Variants in MBTPS1 observed in about 807,000 individuals in gnomAD.
The protein encoded by MBTPS1 is membrane-bound transcription factor site-1 protease.
In MBTPS1, 94 loss-of-function variants were observed where a neutral mutation model predicts 127.8. That is an observed-to-expected ratio of 0.74 (90% CI 0.62 to 0.87). The LOEUF (loss-of-function observed/expected upper bound fraction) is 0.87, where lower values mean the gene tolerates loss of function less well. Among genes scored for constraint, MBTPS1 ranks in the 40% least tolerant of loss-of-function variants. MBTPS1 has a pLI of 0.00. For missense variants in MBTPS1, 1,636 were observed against 1,353.2 expected, an observed-to-expected ratio of 1.21 and a Z score of -3.28; for synonymous variants, 632 against 509.4, an observed-to-expected ratio of 1.24 and a Z score of -3.24.
At chr16:84,073,258 C>G (rs1350096127) in intron 12 of MBTPS1, among the ~76,000 whole-genome samples, 3 of 152,078 alleles carry the variant, frequency 2.0e-5, no homozygotes, top group Non-Finnish European at 4.4e-5. Flanking sequence ...TTCAGCCTCC[C>G]GAGTAGCTGG....
chr16:84,077,026 G>A (rs569884167), intron 11 of MBTPS1, among the ~76,000 whole-genome samples: 2 of 152,202 alleles, frequency 1.3e-5, no homozygotes, highest in African/African-American at 4.8e-5. Context: ...AGGAGTTGAA[G>A]ACCAGCCTGG....
chr16:84,066,386 A>G, intron 17 of MBTPS1, 103 bp downstream of exon 17: 1 of 1,244,580 alleles, frequency 8.0e-7, no homozygotes, highest in Middle Eastern at 1.9e-4. Flanking sequence ...GACTCCAGCT[A>G]ACTGAGGGAT....
intron 14 of MBTPS1, among the ~76,000 whole-genome samples, chr16:84,069,370 G>A (rs759823049): frequency 6.6e-6 from 1 of 152,180 alleles, no homozygotes; most frequent in Non-Finnish European, 1.5e-5. Flanking sequence ...GGCCGGGTGA[G>A]GAAGTCAGAA....
chr16:84,084,692 A>C lies in MBTPS1; in HGVS notation c.1286+291T>G, dbSNP rs142927662. Among the ~76,000 whole-genome samples, 504 of 152,318 alleles carry C rather than the reference A, an allele frequency of 3.3e-3. 2 individuals carry two copies. Among genetic ancestry groups the C allele is most frequent in the African/African-American group, 0.011 (464 of 41,568 alleles). ...ATAAAAATCACAGTTCTAGCACATAAATGGGATATTAGAAAACAGAACACA... is the reference window on the plus strand; with the variant it reads ...ATAAAAATCACAGTTCTAGCACATACATGGGATATTAGAAAACAGAACACA... On this transcript the variant is annotated intron_variant, in intron 10 of 22. Coordinates refer to ENST00000343411, the MANE Select transcript of MBTPS1 (RefSeq NM_003791.4).
intron 9 of MBTPS1, 27 bp from the exon 10 acceptor site, chr16:84,085,161 A>T: frequency 6.2e-7 from 1 of 1,611,296 alleles, no homozygotes; most frequent in Non-Finnish European, 8.5e-7. Flanking sequence ...CTTGGTTGCT[A>T]CATCTCGCAC....
chr16:84,059,500 C>A, intron 20 of MBTPS1, 72 bp from the exon 21 acceptor site: 1 of 1,430,042 alleles, frequency 7.0e-7, no homozygotes. Flanking sequence ...AAAAGGAGGG[C>A]CTTATTATGA....
At chr16:84,064,935 G>A (rs546107447) in intron 18 of MBTPS1, among the ~76,000 whole-genome samples, 9 of 152,062 alleles carry the variant, frequency 5.9e-5, no homozygotes, top group Admixed American at 1.3e-4. Context: ...TAACGTCCAC[G>A]TACAGAAAAT....
chr16:84,103,056 A>C (rs1471519341), intron 1 of MBTPS1, among the ~76,000 whole-genome samples: 1 of 152,150 alleles, frequency 6.6e-6, no homozygotes, highest in African/African-American at 2.4e-5. Context: ...ATATCTTCCA[A>C]AACATCTGAA....
chr16:84,093,742 G>A lies in MBTPS1; in HGVS notation c.705C>T (p.Thr235=), dbSNP rs540288000. 1.2e-6 allele frequency: 2 copies of A among 1,614,084 alleles called. No homozygotes were observed. Among genetic ancestry groups the A allele is most frequent in the Admixed American group, 1.7e-5 (1 of 60,028 alleles). ...HPHFKNVKER[T]NWTNERTLDD... ...CCAGCGTTCGCTCGTTGGTCCAGTT[G>A]GTTCTCTCCTTCACATTTTTGAAGT... The change falls in exon 5 of 23, where the codon ACC becomes ACT. Residue 235 remains threonine (T), a synonymous_variant. Transcript: ENST00000343411.
Position 84,054,416 on chromosome 16 carries a change from C to T in MBTPS1, c.*33G>A, listed in dbSNP as rs368610874. Reference sequence around the variant, plus strand: ...CCCACCAGCGCCGTCCGTGAAGGCTCTCTCTGGCCCTCACGGTCAGCCAGG... The same window carrying T: ...CCCACCAGCGCCGTCCGTGAAGGCTTTCTCTGGCCCTCACGGTCAGCCAGG... On this transcript the variant is annotated 3_prime_UTR_variant, in exon 23 of 23. Coordinates refer to ENST00000343411, the MANE Select transcript of MBTPS1 (RefSeq NM_003791.4). 1.9e-6 allele frequency: 3 copies of T among 1,546,964 alleles called. No homozygotes were observed. The highest frequency in any genetic ancestry group is 2.4e-5 in the South Asian group (2 of 81,860).
At chr16:84,101,568 A>G in intron 2 of MBTPS1, 53 bp downstream of exon 2, 1 of 1,457,926 alleles carries the variant, frequency 6.9e-7, no homozygotes, top group South Asian at 1.3e-5. Flanking sequence ...TATATTAAGT[A>G]AGCTTTAAAA....
chr16:84,104,363 T>C lies in MBTPS1; in HGVS notation c.-324-2256A>G, dbSNP rs188055344. Reference sequence around the variant, plus strand: ...GCTAGGCATGGTGGCGCGCCTATAGTCCCAGCTACTCAGGAAGATTGCTTT... The same window carrying C: ...GCTAGGCATGGTGGCGCGCCTATAGCCCCAGCTACTCAGGAAGATTGCTTT... On this transcript the variant is annotated intron_variant, in intron 1 of 22. Coordinates refer to ENST00000343411, the MANE Select transcript of MBTPS1 (RefSeq NM_003791.4). 3.8e-3 allele frequency among the ~76,000 whole-genome samples: 580 copies of C among 152,134 alleles called. 4 individuals carry two copies. Among genetic ancestry groups the C allele is most frequent in the African/African-American group, 0.013 (543 of 41,486 alleles).
intron 21 of MBTPS1, 142 bp downstream of exon 21, chr16:84,059,160 C>A: frequency 9.1e-7 from 1 of 1,095,864 alleles, no homozygotes; most frequent in East Asian, 2.5e-5. Flanking sequence ...ATACGAGGTT[C>A]ACTAAATAAC....
At chr16:84,084,165 A>G (rs895905321) in intron 10 of MBTPS1, among the ~76,000 whole-genome samples, 2 of 152,126 alleles carry the variant, frequency 1.3e-5, no homozygotes, top group Non-Finnish European at 2.9e-5. Flanking sequence ...CACCATGTTG[A>G]TCAGGCTGGT....
chr16:84,096,741 T>C (rs918447691), intron 3 of MBTPS1, among the ~76,000 whole-genome samples: 6 of 152,206 alleles, frequency 3.9e-5, no homozygotes, highest in African/African-American at 1.2e-4. Flanking sequence ...TTCTGGTAAG[T>C]AAATATTTGC....
At chr16:84,093,880 T>C in intron 4 of MBTPS1, 59 bp from the exon 5 acceptor site, 1 of 1,290,164 alleles carries the variant, frequency 7.8e-7, no homozygotes, top group Admixed American at 1.7e-5. Flanking sequence ...TTTTGGATTT[T>C]GCCTATAAAA....
At position 84,070,773 on chromosome 16, in the gene MBTPS1, C is replaced by A; in HGVS notation, c.1597G>T (p.Asp533Tyr). The change falls in exon 13 of 23, where the codon GAC becomes TAC. Residue 533 changes from aspartate (D) to tyrosine (Y), a missense_variant. By Grantham distance (160) the Asp-to-Tyr change is radical. Coordinates refer to ENST00000343411, the MANE Select transcript of MBTPS1 (RefSeq NM_003791.4). ...TTCTGTGGCAAATAGGGCTGCCAGT[C>A]AGGCTGCAGGAAAAAGAAATCAGAC... is the stretch of plus-strand genomic sequence containing the variant. ...GVTGRIVDKP[D>Y]WQPYLPQNGD... is the part of the protein sequence containing the mutation. 1 of 1,599,946 alleles carries A rather than the reference C, an allele frequency of 6.3e-7. No homozygotes were observed. Among genetic ancestry groups the A allele is most frequent in the Non-Finnish European group, 8.5e-7 (1 of 1,173,162 alleles).
intron 1 of MBTPS1, among the ~76,000 whole-genome samples, chr16:84,112,442 G>C (rs1313890973): frequency 1.3e-5 from 2 of 151,718 alleles, no homozygotes; most frequent in African/African-American, 4.8e-5. Flanking sequence ...GGCGGATCAT[G>C]AGGTCAGGAG....
intron 1 of MBTPS1, among the ~76,000 whole-genome samples, chr16:84,114,624 G>C (rs2086444244): frequency 6.6e-6 from 1 of 151,754 alleles, no homozygotes; most frequent in Non-Finnish European, 1.5e-5. Flanking sequence ...AGGTCAAGGA[G>C]TCTGAAACCA....
Sources: allele counts gnomAD v4.1 joint callset (sites outside exome capture counted in the v4.1 genomes callset), GRCh38; gene constraint gnomAD v4.1.1; transcripts MANE v1.5; gene names NCBI Gene and HGNC (gene_info 2026-07-23, HGNC 2026-07-21).